The following AHNAK2 variants were observed in gnomAD, a reference collection of about 807,000 sequenced individuals.
The protein encoded by AHNAK2 is AHNAK nucleoprotein 2, also known as protein AHNAK2.
A neutral mutation model predicts 30.7 loss-of-function variants in AHNAK2; 18 were observed. The observed-to-expected ratio is 0.59, with a 90% confidence interval of 0.41 to 0.87. AHNAK2 has a LOEUF of 0.87. AHNAK2 is among the 40% of genes least tolerant of loss of function. The probability of loss-of-function intolerance (pLI) is 0.00; values close to 1 mark genes in which losing one functional copy is unlikely to be tolerated. For synonymous variants in AHNAK2, 3,590 were observed against 3,073.8 expected (o/e 1.17, Z -5.56); for missense variants, 8,604 against 7,373.0 (o/e 1.17, Z -6.11).
At position 104,943,760 on chromosome 14, in the gene AHNAK2, G is replaced by A. The variant is rs1446520658; in HGVS notation, c.11691C>T (p.Pro3897=). 3 of 1,612,744 alleles carry A rather than the reference G, an allele frequency of 1.9e-6. No individual in the cohort carries two copies. The highest frequency in any genetic ancestry group is 2.5e-6 in the Non-Finnish European group (3 of 1,179,428). The change falls in exon 7 of 7, where the codon CCC becomes CCT. Residue 3897 remains proline, a synonymous_variant. Transcript: ENST00000333244. The part of the protein sequence containing the change: ...PKVQMPSFKM[P]KVDLKGPEID... Reference sequence around the variant, plus strand: ...TTTCAGGGCCCTTGAGGTCGACTTTGGGCATCTTGAAACTGGGCATCTGCA... The same window carrying A: ...TTTCAGGGCCCTTGAGGTCGACTTTAGGCATCTTGAAACTGGGCATCTGCA...
At chr14:104,970,183 C>A (rs554225716) in intron 1 of AHNAK2, among the ~76,000 whole-genome samples, 45 of 152,302 alleles carry the variant, frequency 3.0e-4, no homozygotes, top group Middle Eastern at 3.4e-3. Context: ...CTGCCACACA[C>A]CTTGTATGGC....
Position 104,946,197 on chromosome 14 carries a change from C to T in AHNAK2, c.9254G>A (p.Gly3085Asp), listed in dbSNP as rs760681159. The change falls in exon 7 of 7, where the codon GGC becomes GAC. Residue 3085 changes from glycine to aspartate, a missense_variant. Physicochemically the swap from Gly to Asp is moderately conservative, Grantham distance 94 (BLOSUM62 -1). Coordinates refer to ENST00000333244, the MANE Select transcript of AHNAK2 (RefSeq NM_138420.4). ...CGGGCCTTTCAGGTCCAGCTTGGGG[C>T]CCTTGACATCTATCTGGGGTCCCTT... ...DRKGPQIDVK[G>D]PKLDLKGPKT... 1.3e-6 allele frequency: 2 copies of T among 1,597,900 alleles called. No homozygotes were observed. Among genetic ancestry groups the T allele is most frequent in the East Asian group, 2.2e-5 (1 of 44,622 alleles).
At chr14:104,972,413 G>A (rs1368426262) in intron 1 of AHNAK2, among the ~76,000 whole-genome samples, 2 of 151,980 alleles carry the variant, frequency 1.3e-5, no homozygotes, top group Non-Finnish European at 2.9e-5. Flanking sequence ...AGTCAGCGCC[G>A]TACCCAGAGG....
chr14:104,967,235 G>A (rs761862953), intron 1 of AHNAK2, among the ~76,000 whole-genome samples: 1 of 152,232 alleles, frequency 6.6e-6, no homozygotes. Context: ...CCACCCAGCT[G>A]GCAGGAGCCT....
Position 104,954,647 on chromosome 14 carries a change from C to G in AHNAK2, c.804G>C (p.Lys268Asn), listed in dbSNP as rs1262111841. The G allele has an allele frequency of 1.2e-6, 2 of 1,612,852 alleles. No homozygotes were observed. The highest frequency in any genetic ancestry group is 1.7e-5 in the Admixed American group (1 of 59,936). Reference sequence around the variant, plus strand: ...TCTGGGGTCCCGGCCCCCGCTTGCTCTTTATGGATTGAAATTTTGGCCAAG... The same window carrying G: ...TCTGGGGTCCCGGCCCCCGCTTGCTGTTTATGGATTGAAATTTTGGCCAAG... ...RLSWPKFQSI[K>N]SKRGPGPQRS... Residue 268 changes from lysine to asparagine, a missense_variant, in exon 7 of 7, where the codon AAG becomes AAC. Physicochemically the swap from Lys to Asn is moderately conservative, Grantham distance 94 (BLOSUM62 0). Transcript: ENST00000333244. This position sits in a 1 kb window ranked among gnomAD's most constrained non-coding sequence, Gnocchi z 4.3.
chr14:104,950,588 C>A lies in AHNAK2; in HGVS notation c.4863G>T (p.Leu1621=), dbSNP rs376710681. ...EVTAPDVKMS[L]SSMEVDVQAP... Reference sequence around the variant, plus strand: ...CCTGGACGTCCACCTCCATGCTGGACAGAGACATCTTCACATCGGGGGCTG... The same window carrying A: ...CCTGGACGTCCACCTCCATGCTGGAAAGAGACATCTTCACATCGGGGGCTG... Residue 1621 remains leucine (L), a synonymous_variant, in exon 7 of 7, where the codon CTG becomes CTT. Coordinates refer to ENST00000333244, the MANE Select transcript of AHNAK2 (RefSeq NM_138420.4). The A allele has an allele frequency of 3.8e-5, 61 of 1,587,110 alleles. 9 individuals are homozygous for A. Among genetic ancestry groups the A allele is most frequent in the Non-Finnish European group, 1.5e-5 (18 of 1,162,934 alleles).
At position 104,941,117 on chromosome 14, in the gene AHNAK2, G is replaced by C; in HGVS notation, c.14334C>G (p.His4778Gln). Residue 4778 changes from histidine (H) to glutamine (Q), a missense_variant, in exon 7 of 7, where the codon CAC becomes CAG. By Grantham distance (24) the His-to-Gln change is conservative. Transcript: ENST00000333244. ...AGGGAGAGAGAATAGAAGATTCAAA[G>C]TGAGGACCAGTGAGATCAAGCCGGG... The part of the protein sequence containing the change: ...PSSRLDLTGP[H>Q]FESSILSPCE... The C allele has an allele frequency of 6.2e-7, 1 of 1,613,652 alleles. No individual in the cohort carries two copies. Among genetic ancestry groups the C allele is most frequent in the South Asian group, 1.1e-5 (1 of 91,080 alleles).
In AHNAK2 at chr14:104,941,480, T is replaced by C. The variant is rs749165391; in HGVS notation, c.13971A>G (p.Thr4657=). Residue 4657 remains threonine, a synonymous_variant, in exon 7 of 7, where the codon ACA becomes ACG. Transcript: ENST00000333244. ...MSSSEIEGNV[T]FHEKTSTFPI... The stretch of plus-strand genomic sequence containing the variant: ...GAAATGTGGAAGTCTTCTCATGGAA[T>C]GTAACATTTCCTTCGATTTCAGAGG... 3.1e-6 allele frequency: 5 copies of C among 1,612,890 alleles called. No individual in the cohort carries two copies. The highest frequency in any genetic ancestry group is 4.2e-6 in the Non-Finnish European group (5 of 1,179,704).
chr14:104,970,723 C>A (rs541715542), intron 1 of AHNAK2, among the ~76,000 whole-genome samples: 7 of 152,316 alleles, frequency 4.6e-5, no homozygotes, highest in South Asian at 2.1e-4. Context: ...AGTGCCCACC[C>A]CCAGCCTGAG....
At position 104,954,471 on chromosome 14, in the gene AHNAK2, C is replaced by T; in HGVS notation, c.980G>A (p.Arg327Lys). The change falls in exon 7 of 7, where the codon AGA (arginine) becomes AAA (lysine). Residue 327 changes from arginine to lysine, a missense_variant. Transcript: ENST00000333244. The surrounding 1 kb of genome is among the most constrained non-coding windows in gnomAD (Gnocchi z 4.3). ...SQRRRKFLNLRFRTGSGQGPS... is the reference protein window; with the variant it reads ...SQRRRKFLNLKFRTGSGQGPS... ...GCCCTGTCCCGAGCCTGTCCTGAAT[C>T]TGAGGTTGAGGAACTTCCGCCTCCT... 1 of 1,612,866 alleles carries T rather than the reference C, an allele frequency of 6.2e-7. No individual in the cohort carries two copies. Among genetic ancestry groups the T allele is most frequent in the East Asian group, 2.2e-5 (1 of 44,876 alleles).
At chr14:104,961,245 T>G (rs934787527) in intron 1 of AHNAK2, among the ~76,000 whole-genome samples, 20 of 152,094 alleles carry the variant, frequency 1.3e-4, no homozygotes, top group Admixed American at 6.5e-5. Flanking sequence ...CCGGGCACGG[T>G]GGCTCACGCC....
intron 1 of AHNAK2, chr14:104,970,532 G>C (rs1290885796): frequency 1.0e-6 from 1 of 985,412 alleles, no homozygotes; most frequent in Non-Finnish European, 1.2e-6. Context: ...GCCACGCCCG[G>C]TTCTTCCCTC....
Position 104,953,218 on chromosome 14 carries a change from C to G in AHNAK2, c.2233G>C (p.Glu745Gln). 1 of 1,613,034 alleles carries G rather than the reference C, an allele frequency of 6.2e-7. No homozygotes were observed. The highest frequency in any genetic ancestry group is 1.1e-5 in the South Asian group (1 of 91,040). The change falls in exon 7 of 7, where the codon GAG (glutamate) becomes CAG (glutamine). Residue 745 changes from glutamate to glutamine, a missense_variant. Physicochemically the swap from Glu to Gln is conservative, Grantham distance 29. Coordinates refer to ENST00000333244, the MANE Select transcript of AHNAK2 (RefSeq NM_138420.4). ...CTGGCTCCCTCGGGCAGGGGGCCCT[C>G]CGGAAGTTTCACATCCACTTGGCCA... ...QDGQVDVKLPEGPLPEGASLK... is the reference protein window; with the variant it reads ...QDGQVDVKLPQGPLPEGASLK...
chr14:104,954,882 C>T lies in AHNAK2; in HGVS notation c.651+75G>A. 6.5e-7 allele frequency: 1 copy of T among 1,549,404 alleles called. No individual in the cohort carries two copies. Among genetic ancestry groups the T allele is most frequent in the Non-Finnish European group, 8.7e-7 (1 of 1,149,056 alleles). ...CCCAGGGACAGATGGAGTGGGAGTG[C>T]TATCCCCTCCCAGGCTCAGCCAGCA... On this transcript the variant is annotated intron_variant, in intron 6 of 6. Coordinates refer to ENST00000333244, the MANE Select transcript of AHNAK2 (RefSeq NM_138420.4). The surrounding 1 kb of genome is among the most constrained non-coding windows in gnomAD (Gnocchi z 4.3).
chr14:104,951,938 T>G lies in AHNAK2; in HGVS notation c.3513A>C (p.Pro1171=), dbSNP rs2819441. Residue 1171 remains proline (P), a synonymous_variant, in exon 7 of 7, where the codon CCA becomes CCC. Transcript: ENST00000333244. ...TGCCTGGGGCTGACGCCCCGAACGA[T>G]GGCATCTTGAACTTGGGCATTTTGA... ...SRFKMPKFKM[P]SFGASAPGKS... The G allele has an allele frequency of 2.1e-3, 3,413 of 1,600,672 alleles. 125 individuals carry two copies. The East Asian group carries it at 0.033, about 15-fold the overall frequency.
chr14:104,952,487 G>C lies in AHNAK2; in HGVS notation c.2964C>G (p.Asp988Glu). Residue 988 changes from aspartate to glutamate, a missense_variant, in exon 7 of 7, where the codon GAC (aspartate) becomes GAG (glutamate). By Grantham distance (45) the Asp-to-Glu change is conservative. Coordinates refer to ENST00000333244, the MANE Select transcript of AHNAK2 (RefSeq NM_138420.4). Reference sequence around the variant, plus strand: ...TGCTGTCTTTGGCAGTCACGTCCTTGTCGGCCAGGGACAGGTCCCCCTCCA... The same window carrying C: ...TGCTGTCTTTGGCAGTCACGTCCTTCTCGGCCAGGGACAGGTCCCCCTCCA... ...AWLEGDLSLADKDVTAKDSKF... is the reference protein window; with the variant it reads ...AWLEGDLSLAEKDVTAKDSKF... 6.2e-7 allele frequency: 1 copy of C among 1,612,752 alleles called. No homozygotes were observed. Among genetic ancestry groups the C allele is most frequent in the Non-Finnish European group, 8.5e-7 (1 of 1,179,640 alleles).
rs1285034718 is a variant in AHNAK2 at position 104,949,662 on chromosome 14, C to T, written c.5789G>A (p.Gly1930Asp). ...DLKGPQTDVKGAKLDLKGPKA... is the reference protein window; with the variant it reads ...DLKGPQTDVKDAKLDLKGPKA... The stretch of plus-strand genomic sequence containing the variant: ...GGGGCCTTTCAGGTCCAGCTTGGCG[C>T]CCTTAACATCTGTCTGGGGGCCCTT... Residue 1930 changes from glycine to aspartate, a missense_variant, in exon 7 of 7, where the codon GGC becomes GAC. Transcript: ENST00000333244. The T allele has an allele frequency of 1.3e-6, 2 of 1,587,660 alleles. No individual in the cohort carries two copies. The highest frequency in any genetic ancestry group is 8.6e-7 in the Non-Finnish European group (1 of 1,163,006).
In AHNAK2 at chr14:104,951,786, A is replaced by G. The variant is rs2140858856; in HGVS notation, c.3665T>C (p.Val1222Ala). The change falls in exon 7 of 7, where the codon GTC becomes GCC. Residue 1222 changes from valine (V) to alanine (A), a missense_variant. Transcript: ENST00000333244. The stretch of plus-strand genomic sequence containing the variant: ...CTTCACGTCCACCTGGCCAGCGTGG[A>G]CCTCCAGGTCAGCGGAAGGGGGCTG... ...SIQPPSADLE[V>A]HAGQVDVKLL... 1 of 1,339,668 alleles carries G rather than the reference A, an allele frequency of 7.5e-7. No individual in the cohort carries two copies. The highest frequency in any genetic ancestry group is 1.1e-6 in the Non-Finnish European group (1 of 947,358). 83.0% of individuals were successfully genotyped at this position (1,339,668 alleles called of 1,614,324 possible). A position where few individuals can be genotyped will look rare whatever the true frequency, so the allele number is the denominator to read the frequency against.
chr14:104,968,888 G>A (rs1232243340), intron 1 of AHNAK2, among the ~76,000 whole-genome samples: 1 of 152,184 alleles, frequency 6.6e-6, no homozygotes, highest in Non-Finnish European at 1.5e-5. Flanking sequence ...ACAGCCCAGA[G>A]TGAGGCCATG....
Sources: allele counts gnomAD v4.1 joint callset (sites outside exome capture counted in the v4.1 genomes callset), GRCh38; gene constraint gnomAD v4.1.1; non-coding constraint Gnocchi (gnomAD v3.1); transcripts MANE v1.5; gene names NCBI Gene and HGNC (gene_info 2026-07-23, HGNC 2026-07-21).